The following BEST1 variants were observed in gnomAD, a reference collection of about 807,000 sequenced individuals.
BEST1 encodes bestrophin-1.
BEST1 carries 58 observed loss-of-function variants against 63.3 expected under a neutral mutation model. That is an observed-to-expected ratio of 0.92 (90% CI 0.74 to 1.14). The LOEUF (loss-of-function observed/expected upper bound fraction) is 1.14. BEST1 is among the 50% of genes most tolerant of loss of function. BEST1 has a pLI of 0.00. For synonymous variants in BEST1, 283 were observed against 291.6 expected (o/e 0.97, Z 0.30); for missense variants, 671 against 740.1 (o/e 0.91, Z 1.08).
chr11:61,954,046 A>G (rs1199382297), intron 2 of BEST1, among the ~76,000 whole-genome samples: 3 of 152,254 alleles, frequency 2.0e-5, no homozygotes, highest in Admixed American at 6.5e-5. Flanking sequence ...TCAAATACAT[A>G]AAATTCTTAA....
chr11:61,955,211 C>T lies in BEST1; in HGVS notation c.247+10C>T. 1 of 1,614,200 alleles carries T rather than the reference C, an allele frequency of 6.2e-7. No individual in the cohort carries two copies. Among genetic ancestry groups the T allele is most frequent in the Non-Finnish European group, 8.5e-7 (1 of 1,180,022 alleles). On this transcript the variant is annotated intron_variant, in intron 3 of 10. Transcript: ENST00000378043. ...ATTTCCTTCGTGCTGGGTGAGTTCC[C>T]CCTTCTGGCTGTTCCGGGTCCCTGT...
Position 61,953,687 on chromosome 11 carries a change from G to A in BEST1, c.153-1420G>A, listed in dbSNP as rs531156344. On this transcript the variant is annotated intron_variant, in intron 2 of 10. Transcript: ENST00000378043. ...ACCATGCCATTGCACTCCAGCCTAG[G>A]TGACAGAGTGAGACTCCGTCTAAAA... Among the ~76,000 whole-genome samples the A allele has an allele frequency of 4.6e-5, 7 of 152,284 alleles. No homozygotes were observed. The South Asian group carries it at 1.2e-3, about 27-fold the overall frequency.
In BEST1 at chr11:61,957,472, C is replaced by A; in HGVS notation, c.714+8C>A. 6.2e-7 allele frequency: 1 copy of A among 1,613,672 alleles called. No individual in the cohort carries two copies. The highest frequency in any genetic ancestry group is 2.2e-5 in the East Asian group (1 of 44,874). ...CCACTGGTGTATACACAGGTGAGGA[C>A]TAGGCTGGTGAGGCTGCCCTTTTGG... On this transcript the variant is annotated splice_region_variant and intron_variant, in intron 6 of 10. Coordinates refer to ENST00000378043, the MANE Select transcript of BEST1 (RefSeq NM_004183.4).
At chr11:61,957,104 G>T in intron 5 of BEST1, 106 bp downstream of exon 5, 1 of 1,538,898 alleles carries the variant, frequency 6.5e-7, no homozygotes, top group Non-Finnish European at 8.9e-7. Context: ...AGGGTCTTCC[G>T]AGAGCCTGAG....
chr11:61,959,789 T>C, intron 8 of BEST1, 103 bp from the exon 9 acceptor site: 3 of 1,521,386 alleles, frequency 2.0e-6, no homozygotes, highest in Non-Finnish European at 2.7e-6. Context: ...GCAGGGAAAC[T>C]GAGGTCCAGA....
At position 61,962,235 on chromosome 11, in the gene BEST1, C is replaced by G. The variant is rs527614503; in HGVS notation, c.1101-20C>G. The G allele has an allele frequency of 1.2e-6, 2 of 1,613,076 alleles. No homozygotes were observed. Among genetic ancestry groups the G allele is most frequent in the Non-Finnish European group, 1.7e-6 (2 of 1,179,678 alleles). ...TCCTTTGTCCACTGGCTCAGCCCTGCATCTCCTGTTTCTTTCCAGCCTGAA... is the reference window on the plus strand; with the variant it reads ...TCCTTTGTCCACTGGCTCAGCCCTGGATCTCCTGTTTCTTTCCAGCCTGAA... On this transcript the variant is annotated intron_variant, in intron 9 of 10. Coordinates refer to ENST00000378043, the MANE Select transcript of BEST1 (RefSeq NM_004183.4).
intron 9 of BEST1, 187 bp from the exon 10 acceptor site, chr11:61,962,068 G>A: frequency 1.6e-6 from 1 of 641,628 alleles, no homozygotes; most frequent in South Asian, 1.8e-5. Flanking sequence ...GGTGAGCTGG[G>A]CCTGGAGGGA....
Position 61,962,305 on chromosome 11 carries a change from A to G in BEST1, c.1151A>G (p.Asp384Gly). ...EFQPNQEDEE[D>G]AHAGIIGRFL... is the part of the protein sequence containing the mutation. ...CAGCCCAATCAGGAGGACGAGGAGGATGCTCACGCTGGCATCATTGGCCGC... is the reference window on the plus strand; with the variant it reads ...CAGCCCAATCAGGAGGACGAGGAGGGTGCTCACGCTGGCATCATTGGCCGC... The change falls in exon 10 of 11, where the codon GAT becomes GGT. Residue 384 changes from aspartate to glycine, a missense_variant. Coordinates refer to ENST00000378043, the MANE Select transcript of BEST1 (RefSeq NM_004183.4). 1.2e-6 allele frequency: 2 copies of G among 1,614,118 alleles called. No individual in the cohort carries two copies. Among genetic ancestry groups the G allele is most frequent in the African/African-American group, 2.7e-5 (2 of 75,028 alleles).
In BEST1 at chr11:61,959,883, G is replaced by A; in HGVS notation, c.949-9G>A. 6.2e-7 allele frequency: 1 copy of A among 1,613,682 alleles called. No individual in the cohort carries two copies. Among genetic ancestry groups the A allele is most frequent in the Non-Finnish European group, 8.5e-7 (1 of 1,179,830 alleles). On this transcript the variant is annotated splice_polypyrimidine_tract_variant and intron_variant, in intron 8 of 10. Transcript: ENST00000378043. ...TTTCTGTGGGACTTCTTCTGTCCCT[G>A]GTGACCAGGTGTCCCTGTTGGCTGT...
In BEST1 at chr11:61,956,999, G is replaced by A. The variant is rs62637337; in HGVS notation, c.636+1G>A. The stretch of plus-strand genomic sequence containing the variant: ...TATCCTGCTCCAGAGCCTGCTGAAC[G>A]TGAGCCCACTGTACAGACAGGGCTG... On this transcript the variant is annotated splice_donor_variant, in intron 5 of 10. Transcript: ENST00000378043. LOFTEE classifies it high-confidence loss of function. The A allele has an allele frequency of 5.6e-6, 9 of 1,614,022 alleles. No homozygotes were observed. Among genetic ancestry groups the A allele is most frequent in the Non-Finnish European group, 6.8e-6 (8 of 1,180,028 alleles).
At chr11:61,964,061 G>A (rs771570160) in intron 10 of BEST1, 43 bp from the exon 11 acceptor site, 36 of 1,612,764 alleles carry the variant, frequency 2.2e-5, no homozygotes, top group Non-Finnish European at 3.1e-5. Context: ...TGAAATGAAG[G>A]GACCTTCCAT....
chr11:61,964,088 CT>C lies in BEST1; in HGVS notation c.1740-13del, dbSNP rs1340802436. The stretch of plus-strand genomic sequence containing the variant: ...ACCTTCCATACTTATGCTGTTAATA[CT>C]TTCATTCTCACTAGGGATGAAGCAC... On this transcript the variant is annotated splice_polypyrimidine_tract_variant and intron_variant, in intron 10 of 10. Transcript: ENST00000378043. 2 of 1,613,208 alleles carry C rather than the reference CT, an allele frequency of 1.2e-6. No homozygotes were observed. The highest frequency in any genetic ancestry group is 2.7e-5 in the African/African-American group (2 of 74,800).
chr11:61,962,104 GGA>G, intron 9 of BEST1, 149 bp from the exon 10 acceptor site: 1 of 761,730 alleles, frequency 1.3e-6, no homozygotes, highest in Admixed American at 2.1e-5. Context: ...GGACAGATCA[GGA>G]GAGAGGTGAG....
At chr11:61,963,968 G>GGGCGACGGAGTGAGAC (rs1942341350) in intron 10 of BEST1, 136 bp from the exon 11 acceptor site, 1 of 1,509,032 alleles carries the variant, frequency 6.6e-7, no homozygotes, top group Non-Finnish European at 8.8e-7. Context: ...AATCCAGCCT[G>GGGCGACGGAGTGAGAC]GGCGACGGAG....
At chr11:61,963,622 G>A in intron 10 of BEST1, 2 of 1,026,106 alleles carry the variant, frequency 1.9e-6, no homozygotes, top group African/African-American at 1.7e-5. Context: ...TACTTTCACG[G>A]TCAGAACACG....
At chr11:61,953,328 C>T (rs1213585341) in intron 2 of BEST1, among the ~76,000 whole-genome samples, 1 of 152,162 alleles carries the variant, frequency 6.6e-6, no homozygotes, top group Non-Finnish European at 1.5e-5. Context: ...GTAATCCCAG[C>T]ACTTTGGGAG....
At chr11:61,956,734 TGAAA>T (rs1177726662) in intron 4 of BEST1, 106 bp from the exon 5 acceptor site, 1 of 1,413,086 alleles carries the variant, frequency 7.1e-7, no homozygotes, top group African/African-American at 1.4e-5. Context: ...TTTTTGTTGT[TGAAA>T]GAAAGAGGAT....
chr11:61,963,805 A>G (rs1942318703), intron 10 of BEST1: 2 of 1,252,456 alleles, frequency 1.6e-6, no homozygotes, highest in Non-Finnish European at 2.0e-6. Context: ...GGAGTTTGAG[A>G]CCAACCTGGC....
At chr11:61,963,298 G>C in intron 10 of BEST1, 4 of 1,363,442 alleles carry the variant, frequency 2.9e-6, no homozygotes, top group South Asian at 4.2e-5. Context: ...GATGACAGAT[G>C]AACACTTCCC....
Sources: allele counts gnomAD v4.1 joint callset (sites outside exome capture counted in the v4.1 genomes callset), GRCh38; gene constraint gnomAD v4.1.1; transcripts MANE v1.5; gene names NCBI Gene and HGNC (gene_info 2026-07-23, HGNC 2026-07-21).